Variants in XPC observed in about 807,000 individuals in gnomAD.
XPC encodes DNA repair protein complementing XP-C cells.
In XPC, 76 loss-of-function variants were observed where a neutral mutation model predicts 95.8. The observed-to-expected ratio is 0.79, with a 90% CI of 0.66 to 0.96. The LOEUF (loss-of-function observed/expected upper bound fraction) is 0.96. Among genes scored for constraint, XPC ranks in the 40% least tolerant of loss-of-function variants. The pLI is 0.00. For missense variants in XPC, 1,146 were observed against 1,179.8 expected (o/e 0.97, Z 0.42); for synonymous variants, 442 against 442.1 (o/e 1.00, Z 0.00).
At position 14,145,944 on chromosome 3, in the gene XPC, C is replaced by T. The variant is rs2125004420; in HGVS notation, c.2820G>A (p.Leu940=). The T allele has an allele frequency of 6.2e-7, 1 of 1,604,682 alleles. No homozygotes were observed. Residue 940 remains leucine, a synonymous_variant, in exon 16 of 16, where the codon CTG becomes CTA. Coordinates refer to ENST00000285021, the MANE Select transcript of XPC (RefSeq NM_004628.5). ...AASHLFPFEQ[L] ...GCCCCTCTAGTGGGCGCTCAGCTCA[C>T]AGCTGCTCAAATGGGAACAGGTGGG...
rs1696473776 is a variant in XPC, at chr3:14,168,366, C to T, written c.427G>A (p.Val143Met). The part of the protein sequence containing the change: ...WEEVEELSEP[V>M]LGDVRESTAF... ...GTACTTTCTCTCACGTCACCCAGCACAGGCTCACTAAGTTCTATCAACAAG... is the reference window on the plus strand; with the variant it reads ...GTACTTTCTCTCACGTCACCCAGCATAGGCTCACTAAGTTCTATCAACAAG... The change falls in exon 4 of 16, where the codon GTG becomes ATG. Residue 143 changes from valine (V) to methionine (M), a missense_variant. Physicochemically the swap from Val to Met is conservative, Grantham distance 21 (BLOSUM62 1). Transcript: ENST00000285021. The T allele has an allele frequency of 6.2e-7, 1 of 1,613,910 alleles. No individual in the cohort carries two copies. Among genetic ancestry groups the T allele is most frequent in the Non-Finnish European group, 8.5e-7 (1 of 1,179,862 alleles).
At chr3:14,170,162 C>G (rs1482205958) in intron 3 of XPC, among the ~76,000 whole-genome samples, 1 of 152,244 alleles carries the variant, frequency 6.6e-6, no homozygotes, top group African/African-American at 2.4e-5. Flanking sequence ...TAACTACTTT[C>G]AAAGCCTGTG....
chr3:14,173,373 T>C (rs942440498), intron 1 of XPC, among the ~76,000 whole-genome samples: 4 of 152,150 alleles, frequency 2.6e-5, no homozygotes, highest in African/African-American at 9.7e-5. Context: ...GCCAGGAAAA[T>C]ACAACATCCA....
In XPC at chr3:14,167,268, G is replaced by A; in HGVS notation, c.537-15C>T. On this transcript the variant is annotated splice_polypyrimidine_tract_variant and intron_variant, in intron 4 of 15. Transcript: ENST00000285021. The stretch of plus-strand genomic sequence containing the variant: ...TTATCTTTTCACTGCAACAAATAGT[G>A]AAAAATCTGGGAATGAAGGGGGGAA... The A allele has an allele frequency of 6.2e-7, 1 of 1,604,832 alleles. No homozygotes were observed. The highest frequency in any genetic ancestry group is 8.5e-7 in the Non-Finnish European group (1 of 1,175,472).
At chr3:14,168,670 T>G (rs1358683939) in intron 3 of XPC, among the ~76,000 whole-genome samples, 1 of 151,410 alleles carries the variant, frequency 6.6e-6, no homozygotes, top group African/African-American at 2.4e-5. Context: ...GACCCCTCTA[T>G]CAAAAAGCTG....
intron 1 of XPC, among the ~76,000 whole-genome samples, chr3:14,178,091 G>A (rs886822874): frequency 6.6e-6 from 1 of 152,220 alleles, no homozygotes; most frequent in African/African-American, 2.4e-5. Context: ...AGACTCAGCT[G>A]AAGTTATCAT....
In XPC at chr3:14,178,597, C is replaced by T. The variant is rs768326941; in HGVS notation, c.-29G>A. ...GCTTGTCTGGGCAAATTCCACTTCGCGAGTGACGCACCCGGCCGCGATGCG... is the reference window on the plus strand; with the variant it reads ...GCTTGTCTGGGCAAATTCCACTTCGTGAGTGACGCACCCGGCCGCGATGCG... On this transcript the variant is annotated 5_prime_UTR_variant, in exon 1 of 16. Transcript: ENST00000285021. 6.2e-7 allele frequency: 1 copy of T among 1,611,656 alleles called. No individual in the cohort carries two copies. The highest frequency in any genetic ancestry group is 1.7e-5 in the Admixed American group (1 of 59,990).
At position 14,147,871 on chromosome 3, in the gene XPC, C is replaced by G. The variant is rs56338866; in HGVS notation, c.2514+37G>C. 120 of 1,550,012 alleles carry G rather than the reference C, an allele frequency of 7.7e-5. No homozygotes were observed. The African/African-American group carries it at 1.6e-3, about 20-fold the overall frequency. On this transcript the variant is annotated intron_variant, in intron 14 of 15. Coordinates refer to ENST00000285021, the MANE Select transcript of XPC (RefSeq NM_004628.5). ...AGGCCACCCGCTGAGTGTTGCTTCC[C>G]GCTTCTGCTGTCCCTCAGTCCTGCA... is the stretch of plus-strand genomic sequence containing the variant.
intron 11 of XPC, 61 bp from the exon 12 acceptor site, chr3:14,149,009 C>T: frequency 6.2e-7 from 1 of 1,601,418 alleles, no homozygotes; most frequent in African/African-American, 1.3e-5. Flanking sequence ...AGCACCGGGC[C>T]AGGCACCATG....
rs543807419 is a variant in XPC at position 14,147,261 on chromosome 3, T to G, written c.2604+29A>C. On this transcript the variant is annotated intron_variant, in intron 15 of 15. Coordinates refer to ENST00000285021, the MANE Select transcript of XPC (RefSeq NM_004628.5). ...ATCTCCAAGAAACTGACCCTGAGCT[T>G]GTCTTCTCTGCAAAGAACCTGCACT... is the stretch of plus-strand genomic sequence containing the variant. 2.2e-4 allele frequency: 342 copies of G among 1,589,540 alleles called. 2 individuals carry two copies. The African/African-American group carries it at 4.0e-3, about 19-fold the overall frequency.
intron 4 of XPC, 35 bp downstream of exon 4, chr3:14,168,222 G>A: frequency 1.3e-6 from 2 of 1,581,650 alleles, no homozygotes; most frequent in Non-Finnish European, 1.7e-6. Context: ...CCTACTGCAT[G>A]TGACAGGAGC....
intron 8 of XPC, among the ~76,000 whole-genome samples, chr3:14,159,467 C>G (rs924263042): frequency 6.6e-6 from 1 of 152,098 alleles, no homozygotes; most frequent in East Asian, 1.9e-4. Flanking sequence ...ACGGAGCAAG[C>G]AAGGACAGGC....
Position 14,148,580 on chromosome 3 carries a change from C to A in XPC, c.2402G>T (p.Gly801Val), listed in dbSNP as rs1334143899. The stretch of plus-strand genomic sequence containing the variant: ...CACGCACACGGGATGGGAGTAGCCG[C>A]CATGGAAATCAAAGCCAGTGATGGC... ...VQAITGFDFH[G>V]GYSHPVTDGY... is the part of the protein sequence containing the mutation. The change falls in exon 13 of 16, where the codon GGC (glycine) becomes GTC (valine). Residue 801 changes from glycine to valine, a missense_variant. Physicochemically the swap from Gly to Val is moderately radical, Grantham distance 109. Transcript: ENST00000285021. 6.2e-7 allele frequency: 1 copy of A among 1,613,922 alleles called. No individual in the cohort carries two copies. The highest frequency in any genetic ancestry group is 1.7e-5 in the Admixed American group (1 of 60,022).
intron 2 of XPC, 39 bp from the exon 3 acceptor site, chr3:14,170,589 A>G: frequency 6.7e-7 from 1 of 1,490,066 alleles, no homozygotes; most frequent in East Asian, 2.3e-5. Context: ...AAGAAGACTC[A>G]GACATCCTAG....
chr3:14,148,617 C>T lies in XPC; in HGVS notation c.2365G>A (p.Asp789Asn), dbSNP rs982648261. 10 of 1,613,904 alleles carry T rather than the reference C, an allele frequency of 6.2e-6. No homozygotes were observed. Among genetic ancestry groups the T allele is most frequent in the African/African-American group, 4.0e-5 (3 of 74,934 alleles). ...LHRVARKLDIDCVQAITGFDF... is the reference protein window; with the variant it reads ...LHRVARKLDINCVQAITGFDF... ...AAGCCAGTGATGGCCTGGACACAGT[C>T]GATGTCCAGCTTGCGGGCCACGCGG... Residue 789 changes from aspartate (D) to asparagine (N), a missense_variant, in exon 13 of 16, where the codon GAC (aspartate) becomes AAC (asparagine). Asp to Asn is a conservative substitution (Grantham distance 23, BLOSUM62 1). Transcript: ENST00000285021.
rs1695708965 is a variant in XPC, at chr3:14,151,959, A to G, written c.2115+376T>C. 10 of 201,152 alleles carry G rather than the reference A, an allele frequency of 5.0e-5. No individual in the cohort carries two copies. In the South Asian group the frequency reaches 8.9e-4, roughly 18 times the overall value. The allele number at this position is 201,152 out of a possible 1,614,324, so 12.5% of individuals were successfully genotyped here. A position where few individuals can be genotyped will look rare whatever the true frequency, so the allele number is the denominator to read the frequency against. On this transcript the variant is annotated intron_variant, in intron 11 of 15. Coordinates refer to ENST00000285021, the MANE Select transcript of XPC (RefSeq NM_004628.5). The stretch of plus-strand genomic sequence containing the variant: ...GAGATCACATACATGCAAAATGCTC[A>G]GTGAACTGCCAAACAGAAGGGCAAT...
In XPC at chr3:14,152,210, G is replaced by A; in HGVS notation, c.2115+125C>T. 7 of 725,050 alleles carry A rather than the reference G, an allele frequency of 9.7e-6. No homozygotes were observed. In the South Asian group the frequency reaches 1.3e-4, roughly 14 times the overall value. The allele number at this position is 725,050 out of a possible 1,614,324, so 44.9% of individuals were successfully genotyped here. ...AATCCTGCTCAAGCCGGGAAAGTGA[G>A]ACATTTCTGATCAGGATCCTGGGCA... On this transcript the variant is annotated intron_variant, in intron 11 of 15. Coordinates refer to ENST00000285021, the MANE Select transcript of XPC (RefSeq NM_004628.5).
chr3:14,158,588 T>C lies in XPC; in HGVS notation c.1295A>G (p.Glu432Gly). The C allele has an allele frequency of 6.2e-7, 1 of 1,613,666 alleles. No individual in the cohort carries two copies. The highest frequency in any genetic ancestry group is 1.1e-5 in the South Asian group (1 of 91,074). The change falls in exon 9 of 16, where the codon GAG becomes GGG. Residue 432 changes from glutamate to glycine, a missense_variant. By Grantham distance (98) the Glu-to-Gly change is moderately conservative (BLOSUM62 -2). Transcript: ENST00000285021. The surrounding 1 kb of genome is among the most constrained non-coding windows in gnomAD (Gnocchi z 5.2). ...RRVASRVSYK[E>G]ESGSDEAGSG... is the part of the protein sequence containing the mutation. The stretch of plus-strand genomic sequence containing the variant: ...GCCAGCCTCATCACTCCCACTCTCC[T>C]CTTTATAAGACACCCTGGAGGCCAC...
chr3:14,158,564 C>A lies in XPC; in HGVS notation c.1319G>T (p.Gly440Val). 6.2e-7 allele frequency: 1 copy of A among 1,613,524 alleles called. No homozygotes were observed. The highest frequency in any genetic ancestry group is 8.5e-7 in the Non-Finnish European group (1 of 1,179,852). Reference sequence around the variant, plus strand: ...GGAGAGCTCAAAATCAGAGCCGCTGCCAGCCTCATCACTCCCACTCTCCTC... The same window carrying A: ...GGAGAGCTCAAAATCAGAGCCGCTGACAGCCTCATCACTCCCACTCTCCTC... ...YKEESGSDEAGSGSDFELSSG... is the reference protein window; with the variant it reads ...YKEESGSDEAVSGSDFELSSG... Residue 440 changes from glycine to valine, a missense_variant, in exon 9 of 16, where the codon GGC (glycine) becomes GTC (valine). Transcript: ENST00000285021. This position sits in a 1 kb window ranked among gnomAD's most constrained non-coding sequence, Gnocchi z 5.2.
Sources: gnomAD v4.1 joint callset for allele counts (sites outside exome capture counted in the v4.1 genomes callset) on GRCh38, gnomAD v4.1.1 for gene constraint, Gnocchi (gnomAD v3.1) non-coding constraint, MANE v1.5 for transcripts, NCBI Gene and HGNC (gene_info 2026-07-23, HGNC 2026-07-21) for gene names.